ARHGAP32: variants seen among roughly 807,000 people sequenced by gnomAD.
The protein encoded by ARHGAP32 is Rho GTPase activating protein 32.
Under a neutral mutation model 186.5 loss-of-function variants are expected in ARHGAP32, and 51 were observed. The observed-to-expected ratio is 0.27, with a 90% CI of 0.22 to 0.35. The LOEUF (loss-of-function observed/expected upper bound fraction) is 0.35, where lower values mean the gene tolerates loss of function less well. Ranked by LOEUF, ARHGAP32 falls within the 10% of genes least tolerant of loss-of-function variation. ARHGAP32 has a pLI of 1.00. For synonymous variants in ARHGAP32, 950 were observed against 964.3 expected (o/e 0.99, Z 0.27); for missense variants, 2,186 against 2,623.5 (o/e 0.83, Z 3.64).
intron 1 of ARHGAP32, among the ~76,000 whole-genome samples, chr11:129,248,313 A>G (rs1182768196): frequency 2.0e-5 from 3 of 152,140 alleles, no homozygotes; most frequent in Admixed American, 2.0e-4. Flanking sequence ...TAAGCTTAAC[A>G]TTCCCTAATA....
rs575475709 is a variant in ARHGAP32, at chr11:129,119,953, G to A, written c.444+3493C>T. ...GTAAGGGTACACTCTGTAAATCCTT[G>A]TAGAGAAGTTTCAGAAATCTGGCTT... On this transcript the variant is annotated intron_variant, in intron 5 of 22. Transcript: ENST00000682385. Among the ~76,000 whole-genome samples the A allele has an allele frequency of 1.1e-4, 16 of 152,238 alleles. No individual in the cohort carries two copies. In the South Asian group the frequency reaches 3.3e-3, roughly 32 times the overall value.
At chr11:129,173,064 C>A (rs1273695105) in intron 1 of ARHGAP32, among the ~76,000 whole-genome samples, 9 of 149,708 alleles carry the variant, frequency 6.0e-5, no homozygotes, top group Admixed American at 5.3e-4. Context: ...AAACAAAAAA[C>A]CACTAGCTAG....
intron 1 of ARHGAP32, among the ~76,000 whole-genome samples, chr11:129,188,974 A>G (rs752078835): frequency 5.3e-5 from 8 of 152,154 alleles, no homozygotes; most frequent in Non-Finnish European, 2.9e-5. Context: ...CTACCTTCAA[A>G]TGCCAAAGAA....
intron 5 of ARHGAP32, among the ~76,000 whole-genome samples, chr11:129,101,894 C>A (rs977674682): frequency 6.6e-6 from 1 of 152,108 alleles, no homozygotes; most frequent in East Asian, 1.9e-4. Context: ...ATCCACAAGA[C>A]ACATAATTGT....
rs754266793 is a variant in ARHGAP32 at position 128,972,545 on chromosome 11, G to T, written c.3961C>A (p.Pro1321Thr). The change falls in exon 22 of 23, where the codon CCC becomes ACC. Residue 1321 changes from proline to threonine, a missense_variant. By Grantham distance (38) the Pro-to-Thr change is conservative. Coordinates refer to ENST00000682385, the MANE Select transcript of ARHGAP32 (RefSeq NM_001378024.1). The stretch of plus-strand genomic sequence containing the variant: ...GCAGATCTCTGGGAAGGCGGAGGGG[G>T]AAGGGGACGATTAGTTCTGTGCGTG... ...QRTHRTNRPL[P>T]PPPSQRSAEQ... 1 of 1,570,830 alleles carries T rather than the reference G, an allele frequency of 6.4e-7. No individual in the cohort carries two copies. The highest frequency in any genetic ancestry group is 2.3e-5 in the East Asian group (1 of 44,422).
chr11:129,184,799 T>C (rs1457303731), intron 1 of ARHGAP32, among the ~76,000 whole-genome samples: 2 of 152,020 alleles, frequency 1.3e-5, no homozygotes, highest in African/African-American at 4.8e-5. Flanking sequence ...AAAAAGAACA[T>C]GTTACCTACA....
At chr11:129,272,922 G>T (rs1403864415) in intron 1 of ARHGAP32, among the ~76,000 whole-genome samples, 1 of 152,076 alleles carries the variant, frequency 6.6e-6, no homozygotes, top group African/African-American at 2.4e-5. Flanking sequence ...AATCAATTAC[G>T]CAGAATGTGT....
At chr11:129,100,569 C>T (rs1330477811) in intron 5 of ARHGAP32, among the ~76,000 whole-genome samples, 1 of 152,182 alleles carries the variant, frequency 6.6e-6, no homozygotes. Context: ...CTTTCTCCAC[C>T]AGTGAACAAG....
chr11:129,075,898 C>T (rs912977854), intron 6 of ARHGAP32, among the ~76,000 whole-genome samples: 4 of 152,042 alleles, frequency 2.6e-5, no homozygotes, highest in South Asian at 4.1e-4. Context: ...GGCTGCATTC[C>T]GAGGAGGTTA....
chr11:128,970,299 C>T lies in ARHGAP32; in HGVS notation c.4914G>A (p.Gln1638=). The T allele has an allele frequency of 1.9e-6, 3 of 1,614,148 alleles. No individual in the cohort carries two copies. The part of the protein sequence containing the change: ...PRPLYQYKPY[Q]SSQARSDYHV... ...GATAATCTGAGCGGGCCTGGGAGGA[C>T]TGATATGGCTTATATTGGTACAGAG... The change falls in exon 23 of 23, where the codon CAG becomes CAA. Residue 1638 remains glutamine (Q), a synonymous_variant. Transcript: ENST00000682385. This position sits in a 1 kb window ranked among gnomAD's most constrained non-coding sequence, Gnocchi z 5.8.
chr11:128,965,072 T>G lies in ARHGAP32; in HGVS notation c.*3835A>C, dbSNP rs1945190423. Reference sequence around the variant, plus strand: ...ATACACAAAGCAGTCTGTTTTAACCTGAAATAATTCTGTTGATATTTGAAT... The same window carrying G: ...ATACACAAAGCAGTCTGTTTTAACCGGAAATAATTCTGTTGATATTTGAAT... On this transcript the variant is annotated 3_prime_UTR_variant, in exon 23 of 23. Coordinates refer to ENST00000682385, the MANE Select transcript of ARHGAP32 (RefSeq NM_001378024.1). The G allele has an allele frequency of 6.6e-6, 1 of 152,168 alleles. No homozygotes were observed. The highest frequency in any genetic ancestry group is 1.5e-5 in the Non-Finnish European group (1 of 68,030). The allele number at this position is 152,168 out of a possible 1,614,324, so 9.4% of individuals were successfully genotyped here.
chr11:129,094,022 T>C (rs564738384), intron 5 of ARHGAP32, among the ~76,000 whole-genome samples: 3 of 152,250 alleles, frequency 2.0e-5, no homozygotes, highest in South Asian at 2.1e-4. Flanking sequence ...CCTTATTACA[T>C]AGATTAAAAA....
intron 3 of ARHGAP32, 95 bp from the exon 4 acceptor site, chr11:129,124,024 T>C (rs1392871808): frequency 1.2e-6 from 1 of 840,222 alleles, no homozygotes; most frequent in Non-Finnish European, 1.6e-6. Flanking sequence ...ATGGTTTTCC[T>C]CTTTAAAACT....
At chr11:129,275,797 G>A (rs1353566356) in intron 1 of ARHGAP32, among the ~76,000 whole-genome samples, 1 of 152,192 alleles carries the variant, frequency 6.6e-6, no homozygotes, top group Non-Finnish European at 1.5e-5. Flanking sequence ...TCCTTCTTTG[G>A]ATTGTTTTCA....
chr11:129,074,367 G>A (rs1230224210), intron 6 of ARHGAP32, among the ~76,000 whole-genome samples: 2 of 152,092 alleles, frequency 1.3e-5, no homozygotes, highest in African/African-American at 2.4e-5. Flanking sequence ...AAAGGATAGA[G>A]AGGAATTACA....
chr11:129,265,244 A>C (rs1945381137), intron 1 of ARHGAP32, among the ~76,000 whole-genome samples: 1 of 152,192 alleles, frequency 6.6e-6, no homozygotes, highest in Non-Finnish European at 1.5e-5. Context: ...TAAAGAGCTA[A>C]AACTGCAAAC....
intron 1 of ARHGAP32, among the ~76,000 whole-genome samples, chr11:129,247,810 G>A (rs569445351): frequency 4.0e-4 from 61 of 152,232 alleles, no homozygotes; most frequent in African/African-American, 1.3e-3. Context: ...AATTCTCCAA[G>A]TATTACAGGG....
At chr11:129,278,384 C>A (rs563488046) in intron 1 of ARHGAP32, among the ~76,000 whole-genome samples, 3 of 152,316 alleles carry the variant, frequency 2.0e-5, no homozygotes, top group South Asian at 4.1e-4. Flanking sequence ...GGGTCTCCTC[C>A]TTCCTTCCAT....
At chr11:129,277,236 G>A (rs1225705391) in intron 1 of ARHGAP32, among the ~76,000 whole-genome samples, 1 of 152,090 alleles carries the variant, frequency 6.6e-6, no homozygotes, top group Non-Finnish European at 1.5e-5. Flanking sequence ...CACCGAGAGA[G>A]AGAGAAAGTA....
Sources: gnomAD v4.1 joint callset for allele counts (sites outside exome capture counted in the v4.1 genomes callset) on GRCh38, gnomAD v4.1.1 for gene constraint, Gnocchi (gnomAD v3.1) non-coding constraint, MANE v1.5 for transcripts, NCBI Gene and HGNC (gene_info 2026-07-23, HGNC 2026-07-21) for gene names.